ABCC4: variants seen among roughly 807,000 people sequenced by gnomAD.
ABCC4 encodes the protein ATP-binding cassette sub-family C member 4.
ABCC4 carries 102 observed loss-of-function variants against 168.5 expected under a neutral mutation model. The observed-to-expected ratio is 0.61, with a 90% CI of 0.52 to 0.71. ABCC4 has a LOEUF of 0.71. Ranked by LOEUF, ABCC4 falls within the 30% of genes least tolerant of loss-of-function variation. ABCC4 has a pLI of 0.00. For synonymous variants in ABCC4, 617 were observed against 590.7 expected (o/e 1.04, Z -0.65); for missense variants, 1,402 against 1,605.8 (o/e 0.87, Z 2.17).
At chr13:95,160,623 G>A (rs115558588) in intron 19 of ABCC4, among the ~76,000 whole-genome samples, 1,660 of 152,296 alleles carry the variant, frequency 0.011, 46 homozygotes, top group African/African-American at 0.037. Flanking sequence ...TTGAAGGGGA[G>A]TTTACATTTT....
At chr13:95,218,697 A>T (rs1383764349) in intron 4 of ABCC4, among the ~76,000 whole-genome samples, 5 of 151,760 alleles carry the variant, frequency 3.3e-5, no homozygotes, top group Admixed American at 2.0e-4. Context: ...AAAAAAATTT[A>T]AAAATTAACC....
rs1367262403 is a variant in ABCC4, at chr13:95,021,026, CACACTCCCTACT to C, written c.*537_*548del. 1 of 151,796 alleles carries C rather than the reference CACACTCCCTACT, an allele frequency of 6.6e-6. No homozygotes were observed. The highest frequency in any genetic ancestry group is 2.4e-5 in the African/African-American group (1 of 41,214). The allele number at this position is 151,796 out of a possible 1,614,324, so 9.4% of individuals were successfully genotyped here. A position where few individuals can be genotyped will look rare whatever the true frequency, so the allele number is the denominator to read the frequency against. On this transcript the variant is annotated 3_prime_UTR_variant, in exon 31 of 31. Coordinates refer to ENST00000645237, the MANE Select transcript of ABCC4 (RefSeq NM_005845.5). ...TTTTTTTGATGGGGAGTAAGGGGTA[CACACTCCCTACT>C]ACAATGTCACAAACTTTTTCTTTTT...
Position 95,151,923 on chromosome 13 carries a change from A to G in ABCC4, c.2455+9266T>C, listed in dbSNP as rs556901945. Among the ~76,000 whole-genome samples the G allele has an allele frequency of 3.9e-5, 6 of 152,306 alleles. No individual in the cohort carries two copies. The South Asian group carries it at 1.0e-3, about 26-fold the overall frequency. ...CTCCCTGTGCAAGAACAGATTTTCA[A>G]TGTCTACTGATGATTTTAAATGGAT... On this transcript the variant is annotated intron_variant, in intron 19 of 30. Transcript: ENST00000645237.
At chr13:95,222,933 C>T (rs556661295) in intron 4 of ABCC4, among the ~76,000 whole-genome samples, 1 of 152,240 alleles carries the variant, frequency 6.6e-6, no homozygotes, top group South Asian at 2.1e-4. Context: ...GGAGCAGCCT[C>T]TCCATCCCCA....
chr13:95,180,916 T>C (rs1354859106), intron 11 of ABCC4, among the ~76,000 whole-genome samples: 1 of 152,192 alleles, frequency 6.6e-6, no homozygotes, highest in Non-Finnish European at 1.5e-5. Flanking sequence ...TTGAGTGTTG[T>C]TGACTTGGCA....
intron 1 of ABCC4, chr13:95,269,433 AAATATATAT>A (rs200078196): frequency 0.22 from 39,091 of 180,596 alleles, 4,773 homozygotes; most frequent in East Asian, 0.42. Flanking sequence ...CTCAAAAAAA[AAATATATAT>A]ATATATATAT....
rs55998383 is a variant in ABCC4, at chr13:95,148,591, AACACACACAC to A, written c.2455+12588_2455+12597del. ...TCTCTCCCTCTCCCCTACCCATCACAACACACACACACACACACACACACACACACACACA... is the reference window on the plus strand; with the variant it reads ...TCTCTCCCTCTCCCCTACCCATCACAACACACACACACACACACACACACA... On this transcript the variant is annotated intron_variant, in intron 19 of 30. Coordinates refer to ENST00000645237, the MANE Select transcript of ABCC4 (RefSeq NM_005845.5). Among the ~76,000 whole-genome samples the A allele has an allele frequency of 1.3e-3, 170 of 129,782 alleles. 1 individual carries two copies. The highest frequency in any genetic ancestry group is 2.0e-3 in the South Asian group (7 of 3,530). The allele number at this position is 129,782 out of a possible 152,430, so 85.1% of individuals were successfully genotyped here. A position where few individuals can be genotyped will look rare whatever the true frequency, so the allele number is the denominator to read the frequency against.
At chr13:95,133,550 G>C (rs1267788316) in intron 19 of ABCC4, among the ~76,000 whole-genome samples, 1 of 152,102 alleles carries the variant, frequency 6.6e-6, no homozygotes, top group Non-Finnish European at 1.5e-5. Flanking sequence ...AATTTGCCTG[G>C]GTCACAGAGG....
intron 5 of ABCC4, 62 bp from the exon 6 acceptor site, chr13:95,209,659 G>A: frequency 6.9e-7 from 1 of 1,439,514 alleles, no homozygotes; most frequent in East Asian, 2.4e-5. Context: ...TAAGAACACA[G>A]TACAGAAACG....
At chr13:95,211,847 G>A (rs79346546) in intron 4 of ABCC4, among the ~76,000 whole-genome samples, 4 of 151,838 alleles carry the variant, frequency 2.6e-5, no homozygotes, top group African/African-American at 9.7e-5. Flanking sequence ...CTATGTGAAT[G>A]GGAAAAAAAG....
chr13:95,177,923 C>T, intron 12 of ABCC4, 74 bp downstream of exon 12: 4 of 1,517,878 alleles, frequency 2.6e-6, no homozygotes, highest in Non-Finnish European at 3.7e-6. Flanking sequence ...ACACAGTAAG[C>T]AGGTCCTATG....
chr13:95,089,880 A>G (rs538381279), intron 20 of ABCC4, among the ~76,000 whole-genome samples: 5 of 152,024 alleles, frequency 3.3e-5, no homozygotes, highest in Non-Finnish European at 7.4e-5. Context: ...TGTCAAAAAA[A>G]GAAAAAAAAA....
rs565294149 is a variant in ABCC4, at chr13:95,062,603, A to C, written c.3366+101T>G. On this transcript the variant is annotated intron_variant, in intron 26 of 30. Coordinates refer to ENST00000645237, the MANE Select transcript of ABCC4 (RefSeq NM_005845.5). ...ACATGCTCTATTGGGTGAAAAAAAAAACAATCCTTTCATCCAATTAAAAAA... is the reference window on the plus strand; with the variant it reads ...ACATGCTCTATTGGGTGAAAAAAAACACAATCCTTTCATCCAATTAAAAAA... 27 of 1,161,850 alleles carry C rather than the reference A, an allele frequency of 2.3e-5. No homozygotes were observed. In the African/African-American group the frequency reaches 2.5e-4, roughly 11 times the overall value. 72.0% of individuals were successfully genotyped at this position (1,161,850 alleles called of 1,614,324 possible). A position where few individuals can be genotyped will look rare whatever the true frequency, so the allele number is the denominator to read the frequency against.
chr13:95,058,055 C>T (rs145385842), intron 26 of ABCC4, among the ~76,000 whole-genome samples: 100 of 152,300 alleles, frequency 6.6e-4, no homozygotes, highest in Non-Finnish European at 1.2e-3. Context: ...GATCTTCTGA[C>T]GCTCACTAGC....
intron 26 of ABCC4, chr13:95,053,643 T>G (rs1267473743): frequency 6.1e-6 from 1 of 163,120 alleles, no homozygotes; most frequent in Non-Finnish European, 1.3e-5. Flanking sequence ...AAAGAATAAA[T>G]TAGGATTATT....
intron 27 of ABCC4, 60 bp from the exon 28 acceptor site, chr13:95,044,498 C>A: frequency 6.7e-7 from 1 of 1,482,458 alleles, no homozygotes; most frequent in South Asian, 1.3e-5. Context: ...AGTAGTCAAG[C>A]CTCATAGACA....
At chr13:95,159,531 C>G (rs2037017334) in intron 19 of ABCC4, among the ~76,000 whole-genome samples, 1 of 152,122 alleles carries the variant, frequency 6.6e-6, no homozygotes, top group Non-Finnish European at 1.5e-5. Flanking sequence ...GCCCACAGGT[C>G]TCAAACATGG....
chr13:95,086,393 G>T (rs2034258889), intron 20 of ABCC4, among the ~76,000 whole-genome samples: 2 of 152,030 alleles, frequency 1.3e-5, no homozygotes, highest in African/African-American at 4.8e-5. Context: ...CAAAATGAAG[G>T]TTGAATACAT....
At chr13:95,132,698 C>T (rs905840356) in intron 19 of ABCC4, among the ~76,000 whole-genome samples, 1 of 152,160 alleles carries the variant, frequency 6.6e-6, no homozygotes, top group Non-Finnish European at 1.5e-5. Flanking sequence ...CAGAGGCTGG[C>T]TGACTGTATA....
Sources: gnomAD v4.1 joint callset for allele counts (sites outside exome capture counted in the v4.1 genomes callset) on GRCh38, gnomAD v4.1.1 for gene constraint, MANE v1.5 for transcripts, NCBI Gene and HGNC (gene_info 2026-07-23, HGNC 2026-07-21) for gene names.